Variants in FHL2 observed in about 807,000 individuals in gnomAD.
FHL2 encodes the protein four and a half LIM domains 2.
Under a neutral mutation model 32.7 loss-of-function variants are expected in FHL2, and 20 were observed. The ratio of observed to expected loss-of-function variants is 0.61; its 90% CI spans 0.43 to 0.89. The LOEUF is 0.89. Among genes scored for constraint, FHL2 ranks in the 40% least tolerant of loss-of-function variants. The pLI is 0.00. For missense variants in FHL2, 311 were observed against 358.6 expected (o/e 0.87, Z 1.07); for synonymous variants, 123 against 128.1 (o/e 0.96, Z 0.27).
intron 1 of FHL2, chr2:105,396,980 C>G: frequency 3.7e-6 from 1 of 273,582 alleles, no homozygotes; most frequent in South Asian, 9.7e-5. Flanking sequence ...CGGCACAGGA[C>G]AGGAGTAAAC....
intron 1 of FHL2, among the ~76,000 whole-genome samples, chr2:105,436,954 C>T (rs909792560): frequency 3.3e-5 from 5 of 152,002 alleles, no homozygotes; most frequent in South Asian, 2.1e-4. Flanking sequence ...TTTCAGAGAT[C>T]GGTAGAAAGA....
chr2:105,391,210 T>C (rs1157172495), intron 2 of FHL2, among the ~76,000 whole-genome samples: 2 of 152,118 alleles, frequency 1.3e-5, no homozygotes, highest in African/African-American at 4.8e-5. Flanking sequence ...TCTAAAGTCA[T>C]GAAAAGTGCA....
chr2:105,391,489 G>A (rs1442540225), intron 2 of FHL2, among the ~76,000 whole-genome samples: 1 of 152,090 alleles, frequency 6.6e-6, no homozygotes, highest in Non-Finnish European at 1.5e-5. Flanking sequence ...AGACATGAGA[G>A]ACAGAGTAGG....
chr2:105,364,134 T>C (rs1229766963), intron 5 of FHL2, among the ~76,000 whole-genome samples: 1 of 152,074 alleles, frequency 6.6e-6, no homozygotes, highest in Non-Finnish European at 1.5e-5. Context: ...GGTGCACCTG[T>C]ATTCCCAGCT....
chr2:105,386,153 T>C (rs1682291932), intron 3 of FHL2: 1 of 506,698 alleles, frequency 2.0e-6, no homozygotes, highest in Non-Finnish European at 3.4e-6. Context: ...ACAAAAGTCC[T>C]GGCAAGGCCC....
intron 1 of FHL2, among the ~76,000 whole-genome samples, chr2:105,425,094 C>A (rs1011614338): frequency 6.6e-6 from 1 of 152,080 alleles, no homozygotes; most frequent in Admixed American, 6.6e-5. Flanking sequence ...TAAGAGACTC[C>A]ATTTTGAAAA....
chr2:105,433,124 G>A (rs1413924459), intron 1 of FHL2, among the ~76,000 whole-genome samples: 1 of 151,950 alleles, frequency 6.6e-6, no homozygotes, highest in East Asian at 1.9e-4. Flanking sequence ...TGAAACTAAA[G>A]GGAGAATTAA....
At chr2:105,427,100 A>G (rs540524555) in intron 1 of FHL2, among the ~76,000 whole-genome samples, 24 of 152,278 alleles carry the variant, frequency 1.6e-4, no homozygotes, top group African/African-American at 5.8e-4. Context: ...GGCGAAAGGA[A>G]AAAGAAAACC....
intron 1 of FHL2, among the ~76,000 whole-genome samples, chr2:105,417,735 G>A (rs1390877763): frequency 6.6e-6 from 1 of 151,304 alleles, no homozygotes; most frequent in South Asian, 2.1e-4. Flanking sequence ...GAGGATGTGT[G>A]TGTTTAAGGG....
chr2:105,410,305 C>A (rs1683753736), intron 1 of FHL2, among the ~76,000 whole-genome samples: 1 of 152,222 alleles, frequency 6.6e-6, no homozygotes, highest in African/African-American at 2.4e-5. Flanking sequence ...CTAGTGGCCT[C>A]ACTTGCACAC....
intron 1 of FHL2, chr2:105,396,993 C>A: frequency 3.8e-6 from 1 of 260,824 alleles, no homozygotes. Context: ...GAGTAAACTA[C>A]TCCTGATATC....
chr2:105,361,167 C>T lies in FHL2; in HGVS notation c.*116G>A. 3.8e-6 allele frequency: 4 copies of T among 1,052,102 alleles called. No homozygotes were observed. Among genetic ancestry groups the T allele is most frequent in the Non-Finnish European group, 5.6e-6 (4 of 711,150 alleles). The allele number at this position is 1,052,102 out of a possible 1,614,324, so 65.2% of individuals were successfully genotyped here. A position where few individuals can be genotyped will look rare whatever the true frequency, so the allele number is the denominator to read the frequency against. On this transcript the variant is annotated 3_prime_UTR_variant, in exon 7 of 7. Transcript: ENST00000530340. ...CAAACGTGAGTATCACTGAAAAGCA[C>T]TAGAAGAAAGTCTCAATGTGGCTGG...
chr2:105,375,240 CTT>C (rs1218211228), intron 3 of FHL2: 9 of 152,080 alleles, frequency 5.9e-5, no homozygotes, highest in African/African-American at 2.2e-4. Flanking sequence ...TTAGTGATCT[CTT>C]TGCGCATTTT....
chr2:105,360,425 C>T (rs1680175437), downstream of FHL2: 2 of 151,430 alleles, frequency 1.3e-5, no homozygotes, highest in African/African-American at 4.9e-5. Flanking sequence ...GGTGCCATCT[C>T]AGCTCACTGC....
At chr2:105,428,035 A>T (rs1316926241) in intron 1 of FHL2, among the ~76,000 whole-genome samples, 1 of 152,244 alleles carries the variant, frequency 6.6e-6, no homozygotes, top group Non-Finnish European at 1.5e-5. Flanking sequence ...TAACACTGTG[A>T]TGCTCACATT....
At chr2:105,433,081 A>G (rs544584796) in intron 1 of FHL2, among the ~76,000 whole-genome samples, 1 of 152,214 alleles carries the variant, frequency 6.6e-6, no homozygotes, top group South Asian at 2.1e-4. Flanking sequence ...ACTAGGATGG[A>G]TGAATACCCT....
intron 2 of FHL2, among the ~76,000 whole-genome samples, chr2:105,393,405 A>G (rs1177105524): frequency 6.6e-6 from 1 of 152,192 alleles, no homozygotes; most frequent in East Asian, 1.9e-4. Context: ...GGGGATCCGC[A>G]AGGGATATTC....
chr2:105,436,413 T>C lies in FHL2; in HGVS notation c.-25+1986A>G, dbSNP rs1387786669. ...TTACTTCTCATCTATCCAACTATTATGAATATTTTAATATGTTGACTAAAC... is the reference window on the plus strand; with the variant it reads ...TTACTTCTCATCTATCCAACTATTACGAATATTTTAATATGTTGACTAAAC... On this transcript the variant is annotated intron_variant, in intron 1 of 5. Coordinates refer to the FHL2 transcript ENST00000393352. Among the ~76,000 whole-genome samples, 7 of 152,308 alleles carry C rather than the reference T, an allele frequency of 4.6e-5. No individual in the cohort carries two copies. In the East Asian group the frequency reaches 1.3e-3, roughly 29 times the overall value.
At chr2:105,362,301 CAT>C (rs1470218103) in intron 6 of FHL2, among the ~76,000 whole-genome samples, 10 of 152,144 alleles carry the variant, frequency 6.6e-5, no homozygotes, top group African/African-American at 2.4e-4. Flanking sequence ...TGCTTTTCTT[CAT>C]ATTTTAATTT....
Sources: allele counts gnomAD v4.1 joint callset (sites outside exome capture counted in the v4.1 genomes callset), GRCh38; gene constraint gnomAD v4.1.1; transcripts MANE v1.5; gene names NCBI Gene and HGNC (gene_info 2026-07-23, HGNC 2026-07-21).